The following PDE1C variants were observed in gnomAD, a reference collection of about 807,000 sequenced individuals.
PDE1C encodes phosphodiesterase 1C.
Under a neutral mutation model 93.1 loss-of-function variants are expected in PDE1C, and 62 were observed. That is an observed-to-expected ratio of 0.67 (90% confidence interval 0.54 to 0.82). The LOEUF (loss-of-function observed/expected upper bound fraction) is 0.82. PDE1C is among the 40% of genes least tolerant of loss of function. The pLI is 0.00. For missense variants in PDE1C, 742 were observed against 884.6 expected (o/e 0.84, Z 2.04); for synonymous variants, 325 against 310.1 (o/e 1.05, Z -0.50).
intron 1 of PDE1C, among the ~76,000 whole-genome samples, chr7:32,220,624 G>T (rs551211661): frequency 2.0e-5 from 3 of 152,048 alleles, no homozygotes; most frequent in Non-Finnish European, 4.4e-5. Flanking sequence ...GACCATCCTG[G>T]CTAACACAGT....
chr7:32,150,611 G>A (rs1801182054), intron 3 of PDE1C, among the ~76,000 whole-genome samples: 1 of 152,178 alleles, frequency 6.6e-6, no homozygotes, highest in South Asian at 2.1e-4. Flanking sequence ...CCAGACTACA[G>A]GGGTTCAAAA....
At chr7:32,301,581 C>T (rs913437736), upstream of PDE1C, among the ~76,000 whole-genome samples, 9 of 152,206 alleles carry the variant, frequency 5.9e-5, no homozygotes, top group Admixed American at 5.9e-4. Context: ...ACTACTAAAA[C>T]GCACTGCTTC....
intron 17 of PDE1C, among the ~76,000 whole-genome samples, chr7:31,757,981 G>C (rs1241256547): frequency 1.3e-5 from 2 of 152,194 alleles, no homozygotes; most frequent in African/African-American, 2.4e-5. Context: ...AAAAGGATGA[G>C]TTCATGTCCT....
At chr7:31,873,680 TA>T (rs1170073623) in intron 5 of PDE1C, among the ~76,000 whole-genome samples, 1 of 152,222 alleles carries the variant, frequency 6.6e-6, no homozygotes, top group Admixed American at 6.5e-5. Context: ...GATAAATATG[TA>T]AATTATCCTG....
intron 3 of PDE1C, among the ~76,000 whole-genome samples, chr7:32,149,374 A>G (rs1156658991): frequency 6.6e-6 from 1 of 152,250 alleles, no homozygotes; most frequent in African/African-American, 2.4e-5. Context: ...AGAAATTATT[A>G]GCCAGAACAC....
At chr7:32,254,573 T>C (rs567518955) in intron 1 of PDE1C, among the ~76,000 whole-genome samples, 5 of 152,324 alleles carry the variant, frequency 3.3e-5, no homozygotes, top group Non-Finnish European at 5.9e-5. Context: ...TCTAGGTAGA[T>C]AATGAAGAGC....
At chr7:31,882,549 C>T (rs1301170757) in intron 2 of PDE1C, among the ~76,000 whole-genome samples, 1 of 151,940 alleles carries the variant, frequency 6.6e-6, no homozygotes, top group Non-Finnish European at 1.5e-5. Flanking sequence ...TGTTTGGACT[C>T]CCAAACGAAA....
chr7:32,386,159 C>A (rs1784623981), intron 1 of PDE1C, among the ~76,000 whole-genome samples: 1 of 141,522 alleles, frequency 7.1e-6, no homozygotes, highest in East Asian at 2.1e-4. Flanking sequence ...CAACTACAGG[C>A]AAGCATCTTG....
At chr7:31,632,422 G>T in the PDE1C span, among the ~76,000 whole-genome samples, 1 of 152,078 alleles carries the variant, frequency 6.6e-6, no homozygotes. Context: ...ACTCCAGCCT[G>T]GGTGACAGAG....
chr7:31,989,099 A>G (rs1357774289), intron 2 of PDE1C, among the ~76,000 whole-genome samples: 1 of 151,356 alleles, frequency 6.6e-6, no homozygotes, highest in South Asian at 2.1e-4. Context: ...ACAAAGAAAG[A>G]AAGAAAGAGA....
At chr7:31,618,655 A>G in the PDE1C span, among the ~76,000 whole-genome samples, 1 of 140,454 alleles carries the variant, frequency 7.1e-6, no homozygotes, top group African/African-American at 3.2e-5. Context: ...GTAGAAACCC[A>G]TAATTATAGT....
At position 32,058,979 on chromosome 7, in the gene PDE1C, C is replaced by A. The variant is rs548660276; in HGVS notation, c.102-7399G>T. ...GATTATAAAATGGAAAAAAAAAAAA[C>A]CTCATTTTTACCTTGAACAGCCCAA... On this transcript the variant is annotated intron_variant, in intron 1 of 17. Coordinates refer to ENST00000396191, the MANE Select transcript of PDE1C (RefSeq NM_001191057.4). 5.4e-5 allele frequency among the ~76,000 whole-genome samples: 8 copies of A among 149,286 alleles called. No homozygotes were observed. The South Asian group carries it at 1.7e-3, about 32-fold the overall frequency.
chr7:32,327,784 A>AAAG (rs1238380190), intron 1 of PDE1C, among the ~76,000 whole-genome samples: 1 of 151,544 alleles, frequency 6.6e-6, no homozygotes, highest in African/African-American at 2.4e-5. Context: ...AAAAAAAAAA[A>AAAG]AAAAAAGAGA....
chr7:31,652,609 G>A, the PDE1C span: 1 of 1,613,422 alleles, frequency 6.2e-7, no homozygotes, highest in Non-Finnish European at 8.5e-7. Context: ...CAGACTTCAT[G>A]TTCTAAAATC....
At chr7:31,878,552 G>C (rs1309023278) in intron 4 of PDE1C, among the ~76,000 whole-genome samples, 1 of 152,168 alleles carries the variant, frequency 6.6e-6, no homozygotes, top group African/African-American at 2.4e-5. Context: ...TGCTGGGTAA[G>C]GAGGTCAATT....
intron 1 of PDE1C, among the ~76,000 whole-genome samples, chr7:32,315,493 GCAAGTT>G (rs1166971666): frequency 2.0e-5 from 3 of 152,160 alleles, no homozygotes; most frequent in African/African-American, 7.2e-5. Flanking sequence ...CCCAAAGCCA[GCAAGTT>G]CAAGTTTGTT....
intron 16 of PDE1C, among the ~76,000 whole-genome samples, chr7:31,803,558 C>T (rs534630908): frequency 6.6e-6 from 1 of 152,008 alleles, no homozygotes; most frequent in Admixed American, 6.6e-5. Flanking sequence ...TCCCCCAACC[C>T]CACAACAGTC....
At chr7:31,870,226 A>G (rs7776624) in intron 6 of PDE1C, among the ~76,000 whole-genome samples, 65,199 of 151,696 alleles carry the variant, frequency 0.43, 15,019 homozygotes, top group East Asian at 0.52. Context: ...AACTGAAATT[A>G]GTAAAAAAAC....
chr7:32,325,084 G>A (rs778028661), intron 1 of PDE1C, among the ~76,000 whole-genome samples: 3 of 152,198 alleles, frequency 2.0e-5, no homozygotes, highest in Non-Finnish European at 4.4e-5. Context: ...AAGAAGTAGA[G>A]CACTAACAAA....
Sources: gnomAD v4.1 joint callset for allele counts (sites outside exome capture counted in the v4.1 genomes callset) on GRCh38, gnomAD v4.1.1 for gene constraint, MANE v1.5 for transcripts, NCBI Gene and HGNC (gene_info 2026-07-23, HGNC 2026-07-21) for gene names.